Variants in TTLL11 observed in about 807,000 individuals in gnomAD.
TTLL11 encodes tubulin tyrosine ligase like 11.
A neutral mutation model predicts 51.7 loss-of-function variants in TTLL11; 42 were observed. That is an observed-to-expected ratio of 0.81 (90% confidence interval 0.64 to 1.05). TTLL11 has a LOEUF of 1.05. Among genes scored for constraint, TTLL11 ranks in the 50% least tolerant of loss-of-function variants. TTLL11 has a pLI of 0.00. For synonymous variants in TTLL11, 381 were observed against 383.5 expected (o/e 0.99, Z 0.08); for missense variants, 799 against 940.4 (o/e 0.85, Z 1.97).
chr9:121,826,840 TG>T (rs1367407239), intron 8 of TTLL11, among the ~76,000 whole-genome samples: 1 of 151,730 alleles, frequency 6.6e-6, no homozygotes, highest in Non-Finnish European at 1.5e-5. Flanking sequence ...AGGGCTTGGA[TG>T]GGCAGAGATG....
chr9:121,910,764 A>G (rs1008570847), intron 6 of TTLL11, among the ~76,000 whole-genome samples: 1 of 152,258 alleles, frequency 6.6e-6, no homozygotes, highest in Non-Finnish European at 1.5e-5. Flanking sequence ...TTAAGATAAC[A>G]TAGGAAAGAG....
intron 4 of TTLL11, among the ~76,000 whole-genome samples, chr9:121,979,533 C>G (rs1311360178): frequency 6.6e-6 from 1 of 152,010 alleles, no homozygotes. Context: ...AAAACTTTCC[C>G]TTCATCCCTT....
At chr9:121,877,178 C>T (rs989677644) in intron 6 of TTLL11, among the ~76,000 whole-genome samples, 1 of 152,210 alleles carries the variant, frequency 6.6e-6, no homozygotes, top group Non-Finnish European at 1.5e-5. Flanking sequence ...CAGTCACTAG[C>T]GGATTCCAAA....
chr9:121,870,628 C>T lies in TTLL11; in HGVS notation c.1602G>A (p.Gln534=). 6.4e-7 allele frequency: 1 copy of T among 1,551,762 alleles called. No individual in the cohort carries two copies. The highest frequency in any genetic ancestry group is 8.7e-7 in the Non-Finnish European group (1 of 1,147,014). ...ACTGTTTTGCGTACTTGGGGAACAC[C>T]TGCTTGAGGCAAATGGAAGGCAGGT... ...EAHLPSICLK[Q]VFPKYAKQFN... Residue 534 remains glutamine (Q), a synonymous_variant, in exon 7 of 9, where the codon CAG becomes CAA. Transcript: ENST00000321582.
At chr9:121,927,991 A>G (rs1277214009) in intron 6 of TTLL11, among the ~76,000 whole-genome samples, 1 of 152,206 alleles carries the variant, frequency 6.6e-6, no homozygotes, top group Non-Finnish European at 1.5e-5. Flanking sequence ...TTAAGATGCT[A>G]TTCCCAACCC....
chr9:122,030,044 C>G (rs1263949822), intron 3 of TTLL11, among the ~76,000 whole-genome samples: 1 of 152,066 alleles, frequency 6.6e-6, no homozygotes, highest in African/African-American at 2.4e-5. Flanking sequence ...TGTAAGCACA[C>G]TCTATGGTGT....
intron 6 of TTLL11, among the ~76,000 whole-genome samples, chr9:121,891,602 T>A (rs1588100128): frequency 6.6e-6 from 1 of 152,218 alleles, no homozygotes; most frequent in Non-Finnish European, 1.5e-5. Context: ...TCACTGAGCA[T>A]AGAAAACGTC....
intron 6 of TTLL11, among the ~76,000 whole-genome samples, chr9:121,881,416 C>T (rs1056341781): frequency 2.6e-5 from 4 of 152,228 alleles, no homozygotes; most frequent in African/African-American, 9.6e-5. Context: ...ACTGAGCACC[C>T]GATGAACCCT....
At chr9:122,000,954 A>T (rs1454449018) in intron 3 of TTLL11, among the ~76,000 whole-genome samples, 1 of 152,246 alleles carries the variant, frequency 6.6e-6, no homozygotes, top group African/African-American at 2.4e-5. Context: ...GGCACCTATA[A>T]GGTGCCTTAC....
intron 6 of TTLL11, among the ~76,000 whole-genome samples, chr9:121,876,042 T>A (rs1838550521): frequency 6.6e-6 from 1 of 152,356 alleles, no homozygotes; most frequent in African/African-American, 2.4e-5. Flanking sequence ...TCATAACAAT[T>A]CTACAGTGTA....
intron 6 of TTLL11, among the ~76,000 whole-genome samples, chr9:121,966,869 C>T (rs138521609): frequency 1.3e-5 from 2 of 152,296 alleles, no homozygotes; most frequent in Non-Finnish European, 2.9e-5. Context: ...ACTCAAACAG[C>T]TTGCCTCAAC....
intron 8 of TTLL11, among the ~76,000 whole-genome samples, chr9:121,840,064 G>A (rs1478949344): frequency 6.6e-6 from 1 of 152,190 alleles, no homozygotes; most frequent in Non-Finnish European, 1.5e-5. Flanking sequence ...GAGAGAAACT[G>A]CAGCCTGGAG....
chr9:121,931,583 T>TAAAAAAAAAAAAAAAA (rs1564311677), intron 6 of TTLL11, among the ~76,000 whole-genome samples: 4 of 103,832 alleles, frequency 3.9e-5, no homozygotes, highest in Admixed American at 1.1e-4. Flanking sequence ...TTTCTACTAT[T>TAAAAAAAAAAAAAAAA]TAAAAAAAAA....
At chr9:121,832,081 CT>C (rs1837034181) in intron 8 of TTLL11, among the ~76,000 whole-genome samples, 1 of 152,184 alleles carries the variant, frequency 6.6e-6, no homozygotes, top group Non-Finnish European at 1.5e-5. Context: ...GGGACCCACC[CT>C]TATGACCTCA....
chr9:121,969,318 C>A (rs1842494867), intron 6 of TTLL11, among the ~76,000 whole-genome samples: 1 of 152,112 alleles, frequency 6.6e-6, no homozygotes, highest in Non-Finnish European at 1.5e-5. Flanking sequence ...AGAGAAGGCA[C>A]CCTCGAATAT....
At chr9:122,000,469 C>T (rs1354258713) in intron 3 of TTLL11, among the ~76,000 whole-genome samples, 1 of 70,172 alleles carries the variant, frequency 1.4e-5, no homozygotes, top group Non-Finnish European at 2.5e-5. Flanking sequence ...GAGACTCCGT[C>T]GCAAAAAAAA....
In TTLL11 at chr9:121,954,425, G is replaced by A. The variant is rs762919918; in HGVS notation, c.1481+19584C>T. Among the ~76,000 whole-genome samples, 116 of 152,320 alleles carry A rather than the reference G, an allele frequency of 7.6e-4. 1 individual carries two copies. Among genetic ancestry groups the A allele is most frequent in the Non-Finnish European group, 1.3e-3 (87 of 68,034 alleles). On this transcript the variant is annotated intron_variant, in intron 6 of 8. Coordinates refer to ENST00000321582, the MANE Select transcript of TTLL11 (RefSeq NM_001139442.2). The stretch of plus-strand genomic sequence containing the variant: ...ATGAATCCAGGCTGAGGATAAATGC[G>A]AAACCTTGTAATATCACTCTTGTGA...
chr9:121,870,962 A>G (rs985776612), intron 6 of TTLL11, among the ~76,000 whole-genome samples: 4 of 152,318 alleles, frequency 2.6e-5, no homozygotes, highest in Non-Finnish European at 5.9e-5. Context: ...CTAGAAATGT[A>G]TCCTTCCTCC....
intron 7 of TTLL11, among the ~76,000 whole-genome samples, chr9:121,864,515 C>T (rs768877248): frequency 6.6e-6 from 1 of 152,254 alleles, no homozygotes; most frequent in African/African-American, 2.4e-5. Flanking sequence ...GGTTTTGCTG[C>T]GTAACCTTGT....
Sources: allele counts gnomAD v4.1 joint callset (sites outside exome capture counted in the v4.1 genomes callset), GRCh38; gene constraint gnomAD v4.1.1; transcripts MANE v1.5; gene names NCBI Gene and HGNC (gene_info 2026-07-23, HGNC 2026-07-21).